The following LIN52 variants were observed in gnomAD, a reference collection of about 807,000 sequenced individuals.
The protein encoded by LIN52 is lin-52 DREAM MuvB core complex component.
LIN52 carries 4 observed loss-of-function variants against 18.5 expected under a neutral mutation model. That is an observed-to-expected ratio of 0.22 (90% CI 0.11 to 0.49). The LOEUF (loss-of-function observed/expected upper bound fraction) is 0.49. LIN52 is among the 20% of genes least tolerant of loss of function. LIN52 has a pLI of 0.97. For missense variants in LIN52, 102 were observed against 139.5 expected (o/e 0.73, Z 1.35); for synonymous variants, 34 against 45.5 (o/e 0.75, Z 1.02).
At chr14:74,177,237 A>G (rs929873840) in intron 5 of LIN52, among the ~76,000 whole-genome samples, 2 of 152,158 alleles carry the variant, frequency 1.3e-5, no homozygotes, top group Non-Finnish European at 2.9e-5. Context: ...ACCTCAGGTG[A>G]TCTGCCTGCC....
At chr14:74,179,169 A>G (rs2061306027) in intron 5 of LIN52, among the ~76,000 whole-genome samples, 1 of 152,140 alleles carries the variant, frequency 6.6e-6, no homozygotes, top group South Asian at 2.1e-4. Flanking sequence ...ATCCAAACCA[A>G]GTCTTCTGCA....
rs1202935077 is a variant in LIN52 at position 74,119,165 on chromosome 14, T to C, written c.283+17927T>C. Among the ~76,000 whole-genome samples the C allele has an allele frequency of 3.6e-4, 53 of 147,174 alleles. 1 individual carries two copies. Among genetic ancestry groups the C allele is most frequent in the Admixed American group, 1.5e-3 (22 of 14,828 alleles). On this transcript the variant is annotated intron_variant, in intron 5 of 5. Transcript: ENST00000555028. ...TTGGTACATGGATTTTCTTTCTTTT[T>C]TTTTTTTTTTTTTTGAGACAGAGTC...
intron 5 of LIN52, among the ~76,000 whole-genome samples, chr14:74,124,629 G>C (rs1000450073): frequency 6.6e-6 from 1 of 151,888 alleles, no homozygotes; most frequent in Non-Finnish European, 1.5e-5. Flanking sequence ...TGGGCAACAT[G>C]ATGAAACCCC....
At chr14:74,141,557 G>A (rs1050481201) in intron 5 of LIN52, among the ~76,000 whole-genome samples, 1 of 152,182 alleles carries the variant, frequency 6.6e-6, no homozygotes. Context: ...GCTTTTACAT[G>A]AAGTGATTTT....
intron 5 of LIN52, among the ~76,000 whole-genome samples, chr14:74,153,147 A>G (rs1278657089): frequency 6.6e-6 from 1 of 152,174 alleles, no homozygotes; most frequent in Admixed American, 6.5e-5. Context: ...ACCTGAGCCT[A>G]CATTTTATCA....
At chr14:74,146,116 A>AT (rs1595174388) in intron 5 of LIN52, among the ~76,000 whole-genome samples, 1 of 151,958 alleles carries the variant, frequency 6.6e-6, no homozygotes, top group East Asian at 1.9e-4. Context: ...CCCTTTCATT[A>AT]TTTTTTCCCA....
At chr14:74,136,145 G>A (rs2061096499) in intron 5 of LIN52, among the ~76,000 whole-genome samples, 1 of 152,180 alleles carries the variant, frequency 6.6e-6, no homozygotes, top group Non-Finnish European at 1.5e-5. Context: ...ACAAAACCTA[G>A]AGTTATTGTG....
intron 5 of LIN52, among the ~76,000 whole-genome samples, chr14:74,181,854 A>C (rs911741347): frequency 6.6e-6 from 1 of 152,214 alleles, no homozygotes; most frequent in Non-Finnish European, 1.5e-5. Context: ...AAGTAGACAC[A>C]TCAAGTTCTT....
At chr14:74,098,444 A>G (rs549996414) in intron 4 of LIN52, among the ~76,000 whole-genome samples, 6 of 151,916 alleles carry the variant, frequency 3.9e-5, no homozygotes, top group Admixed American at 1.3e-4. Context: ...ACTTGAACCT[A>G]GAAGACAGAG....
rs1238339444 is a variant in LIN52 at position 74,137,292 on chromosome 14, A to T, written c.283+36054A>T. Among the ~76,000 whole-genome samples the T allele has an allele frequency of 8.8e-5, 13 of 147,144 alleles. No homozygotes were observed. In the East Asian group the frequency reaches 2.4e-3, roughly 27 times the overall value. On this transcript the variant is annotated intron_variant, in intron 5 of 5. Coordinates refer to ENST00000555028, the MANE Select transcript of LIN52 (RefSeq NM_001024674.3). ...AAGAACACATCTCCTAAGAATAAGGATAGTTTTCTATATAATATTATCACA... is the reference window on the plus strand; with the variant it reads ...AAGAACACATCTCCTAAGAATAAGGTTAGTTTTCTATATAATATTATCACA...
rs71460958 is a variant in LIN52 at position 74,130,278 on chromosome 14, G to GTTTTTTTTTTTTTTTTTTTTTTTTTT, written c.283+29058_283+29059insTTTTTTTTTTTTTTTTTTTTTTTTTT. Among the ~76,000 whole-genome samples the GTTTTTTTTTTTTTTTTTTTTTTTTTT allele has an allele frequency of 1.1e-3, 70 of 64,818 alleles. 14 individuals are homozygous for GTTTTTTTTTTTTTTTTTTTTTTTTTT. Among genetic ancestry groups the GTTTTTTTTTTTTTTTTTTTTTTTTTT allele is most frequent in the Middle Eastern group, 0.023 (2 of 88 alleles). The allele number at this position is 64,818 out of a possible 152,430, so 42.5% of individuals were successfully genotyped here. A position where few individuals can be genotyped will look rare whatever the true frequency, so the allele number is the denominator to read the frequency against. Reference sequence around the variant, plus strand: ...GAATTTATTAGATAGGCATTTTTTGGTTTTTTTTTTTTTTTTTTGAGACAG... The same window carrying GTTTTTTTTTTTTTTTTTTTTTTTTTT: ...GAATTTATTAGATAGGCATTTTTTGGTTTTTTTTTTTTTTTTTTTTTTTTTTTTTTTTTTTTTTTTTTTTGAGACAG... On this transcript the variant is annotated intron_variant, in intron 5 of 5. Transcript: ENST00000555028.
intron 5 of LIN52, among the ~76,000 whole-genome samples, chr14:74,146,064 AT>A: frequency 6.6e-6 from 1 of 152,260 alleles, no homozygotes; most frequent in Non-Finnish European, 1.5e-5. Flanking sequence ...AATTCCCAAC[AT>A]TTACCATACT....
intron 5 of LIN52, among the ~76,000 whole-genome samples, chr14:74,194,971 C>G (rs2078901101): frequency 6.6e-6 from 1 of 152,086 alleles, no homozygotes; most frequent in South Asian, 2.1e-4. Context: ...ATGGTGAAAA[C>G]CTGTCTGTAC....
chr14:74,184,835 C>A (rs909729042), intron 5 of LIN52, among the ~76,000 whole-genome samples: 2 of 152,054 alleles, frequency 1.3e-5, no homozygotes, highest in Non-Finnish European at 1.5e-5. Context: ...AATCATTATT[C>A]TTTTTTTCTT....
intron 5 of LIN52, among the ~76,000 whole-genome samples, chr14:74,193,816 T>C (rs2078895134): frequency 6.6e-6 from 1 of 152,066 alleles, no homozygotes; most frequent in Non-Finnish European, 1.5e-5. Flanking sequence ...TTGTCTCCTT[T>C]GTTTCCTGGC....
intron 5 of LIN52, among the ~76,000 whole-genome samples, chr14:74,125,304 A>G (rs1312698768): frequency 6.6e-6 from 1 of 152,184 alleles, no homozygotes; most frequent in Admixed American, 6.5e-5. Context: ...AGTGATTGCC[A>G]TTCTAACTGG....
chr14:74,172,774 C>T (rs1209281094), intron 5 of LIN52, among the ~76,000 whole-genome samples: 1 of 152,194 alleles, frequency 6.6e-6, no homozygotes, highest in African/African-American at 2.4e-5. Flanking sequence ...ATGTTCTGCT[C>T]AAATAGCCAC....
rs368529013 is a variant in LIN52 at position 74,085,002 on chromosome 14, C to T, written c.19+9C>T. 13 of 1,399,668 alleles carry T rather than the reference C, an allele frequency of 9.3e-6. No individual in the cohort carries two copies. The highest frequency in any genetic ancestry group is 1.8e-5 in the South Asian group (1 of 55,264). 86.7% of individuals were successfully genotyped at this position (1,399,668 alleles called of 1,614,324 possible). A position where few individuals can be genotyped will look rare whatever the true frequency, so the allele number is the denominator to read the frequency against. ...GGCGTCTCCCACAGACGGTAAGAGC[C>T]GGCTTAGAGATCTTTGCCTGCAGCC... On this transcript the variant is annotated intron_variant, in intron 1 of 5. Transcript: ENST00000555028.
At chr14:74,126,350 A>G (rs1201049260) in intron 5 of LIN52, among the ~76,000 whole-genome samples, 4 of 152,192 alleles carry the variant, frequency 2.6e-5, no homozygotes, top group African/African-American at 4.8e-5. Flanking sequence ...TAAAAGGTAG[A>G]ATTGCCATAT....
Sources: gnomAD v4.1 joint callset for allele counts (sites outside exome capture counted in the v4.1 genomes callset) on GRCh38, gnomAD v4.1.1 for gene constraint, MANE v1.5 for transcripts, NCBI Gene and HGNC (gene_info 2026-07-23, HGNC 2026-07-21) for gene names.